The following AOAH variants were observed in gnomAD, a reference collection of about 807,000 sequenced individuals.
The protein encoded by AOAH is acyloxyacyl hydrolase (neutrophil).
AOAH carries 64 observed loss-of-function variants against 92.2 expected under a neutral mutation model. That is an observed-to-expected ratio of 0.69 (90% CI 0.57 to 0.86). The LOEUF (loss-of-function observed/expected upper bound fraction) is 0.86. Ranked by LOEUF, AOAH falls within the 40% of genes least tolerant of loss-of-function variation. The pLI is 0.00. For missense variants in AOAH, 656 were observed against 694.6 expected, an observed-to-expected ratio of 0.94 and a Z score of 0.62; for synonymous variants, 263 against 254.5, an observed-to-expected ratio of 1.03 and a Z score of -0.32.
At chr7:36,705,731 A>T (rs1450441758) in intron 1 of AOAH, among the ~76,000 whole-genome samples, 1 of 152,188 alleles carries the variant, frequency 6.6e-6, no homozygotes, top group African/African-American at 2.4e-5. Flanking sequence ...CTGACTTCAA[A>T]CTATACTACA....
chr7:36,637,034 A>T (rs1278243690), intron 5 of AOAH, among the ~76,000 whole-genome samples: 1 of 152,182 alleles, frequency 6.6e-6, no homozygotes, highest in Non-Finnish European at 1.5e-5. Flanking sequence ...GGCATTGAGG[A>T]TAATGTCGTG....
At chr7:36,680,030 G>A (rs1222012739) in intron 2 of AOAH, among the ~76,000 whole-genome samples, 1 of 152,152 alleles carries the variant, frequency 6.6e-6, no homozygotes, top group Non-Finnish European at 1.5e-5. Context: ...GGCATGAAGT[G>A]CCTTCTTTCT....
At chr7:36,626,104 C>A (rs143302886) in intron 6 of AOAH, among the ~76,000 whole-genome samples, 1 of 151,908 alleles carries the variant, frequency 6.6e-6, no homozygotes, top group African/African-American at 2.4e-5. Flanking sequence ...TCTTGGACAG[C>A]GTGTATTTTT....
chr7:36,524,364 C>T (rs953652298), intron 19 of AOAH, among the ~76,000 whole-genome samples: 1 of 151,848 alleles, frequency 6.6e-6, no homozygotes, highest in African/African-American at 2.4e-5. Flanking sequence ...AATTCACACC[C>T]AGCCAGGTGC....
chr7:36,616,094 C>T (rs529352662), intron 11 of AOAH, among the ~76,000 whole-genome samples: 17 of 152,172 alleles, frequency 1.1e-4, no homozygotes, highest in South Asian at 2.1e-4. Context: ...ACGGGGAAGC[C>T]GGCCCGGTGG....
At chr7:36,639,303 T>A (rs1019046839) in intron 4 of AOAH, among the ~76,000 whole-genome samples, 5 of 152,172 alleles carry the variant, frequency 3.3e-5, no homozygotes, top group Non-Finnish European at 7.3e-5. Flanking sequence ...TATGGTGACT[T>A]TGTGGCTACT....
intron 4 of AOAH, among the ~76,000 whole-genome samples, chr7:36,645,957 T>C (rs1794196228): frequency 6.6e-6 from 1 of 152,236 alleles, no homozygotes; most frequent in African/African-American, 2.4e-5. Flanking sequence ...GAGTATTTAA[T>C]CACACTCTTG....
intron 12 of AOAH, among the ~76,000 whole-genome samples, chr7:36,585,228 G>A (rs1263340286): frequency 2.0e-5 from 3 of 152,016 alleles, no homozygotes; most frequent in Non-Finnish European, 2.9e-5. Flanking sequence ...GGCAGAGGGC[G>A]ACTAGATAGG....
At chr7:36,723,276 C>T (rs973176821) in intron 1 of AOAH, among the ~76,000 whole-genome samples, 27 of 152,166 alleles carry the variant, frequency 1.8e-4, no homozygotes, top group African/African-American at 6.3e-4. Flanking sequence ...TGAGAATTCC[C>T]ATGTTATGAG....
chr7:36,545,249 T>A (rs182522072), intron 15 of AOAH, among the ~76,000 whole-genome samples: 1 of 152,060 alleles, frequency 6.6e-6, no homozygotes, highest in African/African-American at 2.4e-5. Context: ...ACCCCATGCA[T>A]AGAGATACAT....
In AOAH at chr7:36,583,678, T is replaced by C. The variant is rs78629879; in HGVS notation, c.939-7022A>G. 2.7e-3 allele frequency among the ~76,000 whole-genome samples: 404 copies of C among 152,094 alleles called. 2 individuals are homozygous for C. Among genetic ancestry groups the C allele is most frequent in the African/African-American group, 9.2e-3 (382 of 41,478 alleles). On this transcript the variant is annotated intron_variant, in intron 12 of 20. Coordinates refer to ENST00000617537, the MANE Select transcript of AOAH (RefSeq NM_001637.4). ...AAATTTTGAATTTGGACCAGAAAAA[T>C]AGTACAGGGAAAAAGACTTCATAGG...
intron 1 of AOAH, among the ~76,000 whole-genome samples, chr7:36,691,220 C>T (rs1397574078): frequency 4.6e-5 from 7 of 152,190 alleles, no homozygotes; most frequent in African/African-American, 1.7e-4. Flanking sequence ...TTATTACTCT[C>T]ATTTTACAGA....
chr7:36,717,315 T>C (rs1799271994), intron 1 of AOAH, among the ~76,000 whole-genome samples: 1 of 152,144 alleles, frequency 6.6e-6, no homozygotes. Flanking sequence ...CCTGCTTCAG[T>C]GAGAGCTATC....
intron 6 of AOAH, among the ~76,000 whole-genome samples, chr7:36,630,440 C>T (rs1016337049): frequency 3.3e-5 from 5 of 152,170 alleles, no homozygotes; most frequent in South Asian, 2.1e-4. Flanking sequence ...AAATATCTCA[C>T]GGCTAAAGAA....
intron 1 of AOAH, among the ~76,000 whole-genome samples, chr7:36,707,618 A>T (rs1187710867): frequency 6.6e-6 from 1 of 152,178 alleles, no homozygotes; most frequent in African/African-American, 2.4e-5. Flanking sequence ...GTGTCATTTT[A>T]CTACCTTCTG....
chr7:36,549,238 T>G (rs986174052), intron 14 of AOAH, among the ~76,000 whole-genome samples: 1 of 152,204 alleles, frequency 6.6e-6, no homozygotes, highest in Non-Finnish European at 1.5e-5. Flanking sequence ...CTCTATGCAT[T>G]TTTATCACCC....
chr7:36,670,957 C>T (rs1362961278), intron 3 of AOAH, among the ~76,000 whole-genome samples: 1 of 152,074 alleles, frequency 6.6e-6, no homozygotes, highest in Admixed American at 6.6e-5. Context: ...GTCTGAATTA[C>T]CCAGGCCACT....
intron 1 of AOAH, among the ~76,000 whole-genome samples, chr7:36,712,062 G>A (rs909701518): frequency 5.3e-5 from 8 of 152,208 alleles, no homozygotes; most frequent in Admixed American, 3.9e-4. Flanking sequence ...TTATGAACAA[G>A]CGTTTAGTTA....
intron 2 of AOAH, among the ~76,000 whole-genome samples, chr7:36,675,321 A>T (rs1000286040): frequency 6.6e-6 from 1 of 152,244 alleles, no homozygotes; most frequent in Non-Finnish European, 1.5e-5. Flanking sequence ...TCACATTATG[A>T]GTGACCTTAA....
Sources: gnomAD v4.1 joint callset for allele counts (sites outside exome capture counted in the v4.1 genomes callset) on GRCh38, gnomAD v4.1.1 for gene constraint, MANE v1.5 for transcripts, NCBI Gene and HGNC (gene_info 2026-07-23, HGNC 2026-07-21) for gene names.